The following DLGAP4 variants were observed in gnomAD, a reference collection of about 807,000 sequenced individuals.
DLGAP4 encodes the protein DLG associated protein 4.
In DLGAP4, 18 loss-of-function variants were observed where a neutral mutation model predicts 86.9. The observed-to-expected ratio is 0.21, with a 90% confidence interval of 0.14 to 0.31. The LOEUF is 0.31. Ranked by LOEUF, DLGAP4 falls within the 10% of genes least tolerant of loss-of-function variation. The probability of loss-of-function intolerance (pLI) is 1.00; values close to 1 mark genes in which losing one functional copy is unlikely to be tolerated. For synonymous variants in DLGAP4, 548 were observed against 574.3 expected (o/e 0.95, Z 0.65); for missense variants, 1,085 against 1,362.6 (o/e 0.80, Z 3.21).
chr20:36,476,759 G>C (rs972548521), intron 7 of DLGAP4, among the ~76,000 whole-genome samples: 4 of 136,548 alleles, frequency 2.9e-5, no homozygotes, highest in African/African-American at 1.1e-4. Context: ...CCAGGCTGGA[G>C]TGCAATGGCA....
At chr20:36,360,019 A>G (rs1555894091) in intron 1 of DLGAP4, among the ~76,000 whole-genome samples, 1 of 152,172 alleles carries the variant, frequency 6.6e-6, no homozygotes, top group African/African-American at 2.4e-5. Flanking sequence ...TCCATTGTCT[A>G]CTAGCTGATT....
chr20:36,423,774 C>T (rs1223182404), intron 2 of DLGAP4, among the ~76,000 whole-genome samples: 1 of 151,948 alleles, frequency 6.6e-6, no homozygotes, highest in African/African-American at 2.4e-5. Flanking sequence ...CCAGCCTGGC[C>T]AACATGGGGA....
chr20:36,400,694 G>A (rs1208335436), intron 2 of DLGAP4, among the ~76,000 whole-genome samples: 3 of 151,944 alleles, frequency 2.0e-5, no homozygotes, highest in African/African-American at 4.8e-5. Context: ...GCCTTTGTTC[G>A]TATGGAAAGT....
At chr20:36,439,093 C>A (rs1280651562) in intron 4 of DLGAP4, among the ~76,000 whole-genome samples, 1 of 152,108 alleles carries the variant, frequency 6.6e-6, no homozygotes, top group East Asian at 1.9e-4. Flanking sequence ...GTAGTAGTAG[C>A]AATAATAGTA....
chr20:36,446,514 T>C (rs1165980346), intron 6 of DLGAP4, among the ~76,000 whole-genome samples, 183 bp from the exon 7 acceptor site: 7 of 151,932 alleles, frequency 4.6e-5, no homozygotes, highest in Non-Finnish European at 1.0e-4. Flanking sequence ...CCCAGAGAGG[T>C]AGGACTGTTT....
intron 10 of DLGAP4, among the ~76,000 whole-genome samples, chr20:36,514,004 A>C (rs2036886714): frequency 6.6e-6 from 1 of 152,216 alleles, no homozygotes; most frequent in South Asian, 2.1e-4. Flanking sequence ...ACCAGAGTAT[A>C]GATTAAGATG....
intron 1 of DLGAP4, among the ~76,000 whole-genome samples, chr20:36,315,164 G>T (rs2065087756): frequency 6.6e-6 from 1 of 151,394 alleles, no homozygotes; most frequent in East Asian, 1.9e-4. Context: ...GCTGTGATGT[G>T]TGTGTGGTGT....
At chr20:36,407,093 C>T (rs911345718) in intron 2 of DLGAP4, among the ~76,000 whole-genome samples, 1 of 151,904 alleles carries the variant, frequency 6.6e-6, no homozygotes, top group Admixed American at 6.6e-5. Flanking sequence ...GTAATAATAC[C>T]CTTTGGGAGG....
At position 36,446,694 on chromosome 20, in the gene DLGAP4, C is replaced by T. The variant is rs370529530; in HGVS notation, c.1408-3C>T. ...TCCCTCATGCCTGCCTTTGCCTGGA[C>T]AGGTACGGGAGGCAGAGCTGAGTGA... On this transcript the variant is annotated splice_region_variant and splice_polypyrimidine_tract_variant and intron_variant, in intron 6 of 12. Transcript: ENST00000339266. 3.1e-5 allele frequency: 50 copies of T among 1,593,740 alleles called. No homozygotes were observed. In the African/African-American group the frequency reaches 5.2e-4, roughly 17 times the overall value.
intron 6 of DLGAP4, 37 bp downstream of exon 6, chr20:36,442,814 A>G: frequency 6.2e-7 from 1 of 1,613,850 alleles, no homozygotes; most frequent in Non-Finnish European, 8.5e-7. Flanking sequence ...CCCCAATCCC[A>G]GAGTGTAGGC....
intron 1 of DLGAP4, among the ~76,000 whole-genome samples, chr20:36,314,905 A>C (rs1432472741): frequency 3.9e-5 from 3 of 76,380 alleles, no homozygotes; most frequent in Non-Finnish European, 5.3e-5. Flanking sequence ...GTGGTGTGTG[A>C]TGTGTGGTGT....
In DLGAP4 at chr20:36,317,223, T is replaced by TTTCTTTC. The variant is rs2065109374; in HGVS notation, c.-304+10713_-304+10714insCTTTCTT. ...CCCTCCTTCCTTCCTTCCTCTCCTTTTTTCTTTCTTTCTTTCTTTCTTTCT... is the reference window on the plus strand; with the variant it reads ...CCCTCCTTCCTTCCTTCCTCTCCTTTTTCTTTCTTTCTTTCTTTCTTTCTTTCTTTCT... On this transcript the variant is annotated intron_variant, in intron 1 of 12. Transcript: ENST00000339266. 6.6e-4 allele frequency among the ~76,000 whole-genome samples: 62 copies of TTTCTTTC among 93,764 alleles called. 1 individual carries two copies. Among genetic ancestry groups the TTTCTTTC allele is most frequent in the African/African-American group, 2.4e-3 (59 of 24,924 alleles). 61.5% of individuals were successfully genotyped at this position (93,764 alleles called of 152,430 possible). A position where few individuals can be genotyped will look rare whatever the true frequency, so the allele number is the denominator to read the frequency against.
rs2033130200 is a variant in DLGAP4, at chr20:36,431,563, T to C, written c.-72-83T>C. On this transcript the variant is annotated intron_variant, in intron 2 of 12. Transcript: ENST00000339266. This position sits in a 1 kb window ranked among gnomAD's most constrained non-coding sequence, Gnocchi z 5.1. ...ACTGGCTTCAGAGATCCTCCCAGCC[T>C]TGCGATCTGGATCTGACCTTCCCGG... 1.2e-6 allele frequency: 1 copy of C among 826,544 alleles called. No homozygotes were observed. Among genetic ancestry groups the C allele is most frequent in the Non-Finnish European group, 1.8e-6 (1 of 546,312 alleles). The allele number at this position is 826,544 out of a possible 1,614,324, so 51.2% of individuals were successfully genotyped here. A position where few individuals can be genotyped will look rare whatever the true frequency, so the allele number is the denominator to read the frequency against.
chr20:36,367,368 A>G (rs1361299206), intron 2 of DLGAP4, 93 bp downstream of exon 2: 6 of 152,354 alleles, frequency 3.9e-5, no homozygotes, highest in African/African-American at 1.4e-4. Context: ...ACTGGCACCC[A>G]CATGCTGGCA....
chr20:36,336,899 G>A (rs544537733), intron 1 of DLGAP4, among the ~76,000 whole-genome samples: 231 of 152,308 alleles, frequency 1.5e-3, no homozygotes, highest in African/African-American at 5.2e-3. Flanking sequence ...CCCCAGAGGG[G>A]CCCCCAGCCC....
chr20:36,399,603 G>A (rs965157087), intron 2 of DLGAP4, among the ~76,000 whole-genome samples: 1 of 152,222 alleles, frequency 6.6e-6, no homozygotes, highest in African/African-American at 2.4e-5. Context: ...AGCCTTGAAA[G>A]TGAAGCTAAA....
chr20:36,405,808 C>G (rs573914794), intron 2 of DLGAP4, among the ~76,000 whole-genome samples: 1 of 152,216 alleles, frequency 6.6e-6, no homozygotes, highest in African/African-American at 2.4e-5. Context: ...TTAGGACATC[C>G]AGGCCCACAT....
chr20:36,330,160 C>A (rs571727812), intron 1 of DLGAP4, among the ~76,000 whole-genome samples: 2 of 152,118 alleles, frequency 1.3e-5, no homozygotes, highest in Non-Finnish European at 2.9e-5. Context: ...GCTTTTGTAA[C>A]AAGAAAAAAA....
chr20:36,395,202 A>G (rs1051236291), intron 2 of DLGAP4, among the ~76,000 whole-genome samples: 1 of 152,098 alleles, frequency 6.6e-6, no homozygotes, highest in South Asian at 2.1e-4. Context: ...GACTTTCCTG[A>G]CCCTATCACA....
Sources: gnomAD v4.1 joint callset for allele counts (sites outside exome capture counted in the v4.1 genomes callset) on GRCh38, gnomAD v4.1.1 for gene constraint, Gnocchi (gnomAD v3.1) non-coding constraint, MANE v1.5 for transcripts, NCBI Gene and HGNC (gene_info 2026-07-23, HGNC 2026-07-21) for gene names.